Variants in GASK1B observed in about 807,000 individuals in gnomAD.
The protein encoded by GASK1B is Golgi-associated kinase 1B.
Under a neutral mutation model 42.8 loss-of-function variants are expected in GASK1B, and 34 were observed. The ratio of observed to expected loss-of-function variants is 0.79; its 90% CI spans 0.60 to 1.06. The LOEUF (loss-of-function observed/expected upper bound fraction) is 1.06. Among genes scored for constraint, GASK1B ranks in the 50% least tolerant of loss-of-function variants. The pLI, the probability that GASK1B is intolerant of heterozygous loss-of-function variation, is 0.00. For missense variants in GASK1B, 686 were observed against 661.0 expected (o/e 1.04, Z -0.42); for synonymous variants, 262 against 259.1 (o/e 1.01, Z -0.11).
chr4:158,142,993 TAAAC>T (rs1359838975), intron 3 of GASK1B, among the ~76,000 whole-genome samples: 1 of 152,170 alleles, frequency 6.6e-6, no homozygotes, highest in East Asian at 1.9e-4. Flanking sequence ...TTGATTCAAA[TAAAC>T]AAACTGAAAT....
At chr4:158,149,314 C>T (rs1033539082) in intron 3 of GASK1B, among the ~76,000 whole-genome samples, 4 of 152,172 alleles carry the variant, frequency 2.6e-5, no homozygotes, top group East Asian at 1.9e-4. Context: ...AGGATAATCA[C>T]ATTGTACTAC....
In GASK1B at chr4:158,124,562, G is replaced by C. The variant is rs1328673941; in HGVS notation, c.*2845C>G. 1 of 152,076 alleles carries C rather than the reference G, an allele frequency of 6.6e-6. No individual in the cohort carries two copies. The highest frequency in any genetic ancestry group is 1.5e-5 in the Non-Finnish European group (1 of 68,024). 9.4% of individuals were successfully genotyped at this position (152,076 alleles called of 1,614,324 possible). A position where few individuals can be genotyped will look rare whatever the true frequency, so the allele number is the denominator to read the frequency against. On this transcript the variant is annotated 3_prime_UTR_variant, in exon 5 of 5. Coordinates refer to ENST00000585682, the MANE Select transcript of GASK1B (RefSeq NM_001128424.2). ...TTGTTCTGTGCTGACATAAACATAA[G>C]AATTTCATAAGACAGTGTGTAAATA...
intron 4 of GASK1B, among the ~76,000 whole-genome samples, chr4:158,129,171 T>C (rs1730574032): frequency 6.6e-6 from 1 of 152,206 alleles, no homozygotes; most frequent in South Asian, 2.1e-4. Flanking sequence ...CCATTACTCC[T>C]CATAATGCAT....
chr4:158,170,569 C>T lies in GASK1B; in HGVS notation c.807G>A (p.Lys269=), dbSNP rs781226198. 1 of 1,614,186 alleles carries T rather than the reference C, an allele frequency of 6.2e-7. No individual in the cohort carries two copies. The highest frequency in any genetic ancestry group is 1.1e-5 in the South Asian group (1 of 91,090). The change falls in exon 2 of 5, where the codon AAG becomes AAA. Residue 269 remains lysine (K), a synonymous_variant. Coordinates refer to ENST00000585682, the MANE Select transcript of GASK1B (RefSeq NM_001128424.2). ...RCGPSPCGLL[K]QPLDMSEVFA... The stretch of plus-strand genomic sequence containing the variant: ...ACACCTCACTCATGTCCAAGGGCTG[C>T]TTGAGAAGCCCACAGGGGCTAGGGC...
At chr4:158,162,904 G>A (rs928317549) in intron 2 of GASK1B, among the ~76,000 whole-genome samples, 1 of 152,194 alleles carries the variant, frequency 6.6e-6, no homozygotes, top group African/African-American at 2.4e-5. Flanking sequence ...GCACAGCTTT[G>A]AGGAATGAGG....
chr4:158,156,363 G>A (rs758962782), intron 2 of GASK1B, among the ~76,000 whole-genome samples: 7 of 152,190 alleles, frequency 4.6e-5, no homozygotes, highest in Non-Finnish European at 7.4e-5. Flanking sequence ...CAGAAAAAAA[G>A]AGGCAAGAGG....
At chr4:158,162,442 T>C (rs775687000) in intron 2 of GASK1B, among the ~76,000 whole-genome samples, 62 of 152,182 alleles carry the variant, frequency 4.1e-4, no homozygotes, top group South Asian at 1.4e-3. Context: ...CCAATGTTCA[T>C]GGATAGCTCT....
intron 2 of GASK1B, among the ~76,000 whole-genome samples, chr4:158,162,395 G>A (rs996737168): frequency 1.3e-5 from 2 of 152,186 alleles, no homozygotes; most frequent in Non-Finnish European, 2.9e-5. Context: ...AACAAAGCAA[G>A]CACTCAAAAA....
chr4:158,169,247 A>G (rs546177750), intron 2 of GASK1B: 2 of 152,322 alleles, frequency 1.3e-5, no homozygotes, highest in East Asian at 3.9e-4. Flanking sequence ...ATTAGATTAA[A>G]TGTTTGAGAA....
Position 158,170,594 on chromosome 4 carries a change from CCACAGCGGAG to C in GASK1B, c.772_781del (p.Leu258AlafsTer14), listed in dbSNP as rs1732448853. ...CTTGAGAAGCCCACAGGGGCTAGGG[CCACAGCGGAG>C]CACAGCGCCAGGTGCGCCCCCCTCC... On this transcript the variant is annotated frameshift_variant, in exon 2 of 5. Coordinates refer to ENST00000585682, the MANE Select transcript of GASK1B (RefSeq NM_001128424.2). LOFTEE classifies it high-confidence loss of function. 6.2e-7 allele frequency: 1 copy of C among 1,613,998 alleles called. No individual in the cohort carries two copies. The highest frequency in any genetic ancestry group is 2.2e-5 in the East Asian group (1 of 44,880).
chr4:158,131,148 G>A, intron 3 of GASK1B, 136 bp from the exon 4 acceptor site: 2 of 688,318 alleles, frequency 2.9e-6, no homozygotes, highest in South Asian at 3.8e-5. Context: ...TTTAATTAAA[G>A]GCAACTGTCA....
chr4:158,162,141 T>C (rs1260882689), intron 2 of GASK1B, among the ~76,000 whole-genome samples: 1 of 152,230 alleles, frequency 6.6e-6, no homozygotes, highest in African/African-American at 2.4e-5. Flanking sequence ...GAACCAGTTC[T>C]GGCATTACTT....
chr4:158,160,907 G>C (rs1296803473), intron 2 of GASK1B, among the ~76,000 whole-genome samples: 1 of 152,064 alleles, frequency 6.6e-6, no homozygotes, highest in Non-Finnish European at 1.5e-5. Context: ...ATCTAAAAAA[G>C]TTGAGCTCAA....
chr4:158,133,205 T>C (rs1579008890), intron 3 of GASK1B, among the ~76,000 whole-genome samples: 1 of 152,280 alleles, frequency 6.6e-6, no homozygotes, highest in East Asian at 1.9e-4. Context: ...CAATCACCCC[T>C]TTTTTTAAAT....
At position 158,127,588 on chromosome 4, in the gene GASK1B, A is replaced by G. The variant is rs143315826; in HGVS notation, c.1379T>C (p.Leu460Ser). 2.8e-5 allele frequency: 45 copies of G among 1,613,306 alleles called. 1 individual carries two copies. In the Admixed American group the frequency reaches 5.2e-4, roughly 19 times the overall value. The stretch of plus-strand genomic sequence containing the variant: ...TTTCTGCCGTAAGTGCTGGCTCTTC[A>G]AAACAGAAACTGCAGAAGCTGGAAA... Reference protein sequence around the residue: ...KEFPASAVSVLKSQHLRQKLL... With the variant: ...KEFPASAVSVSKSQHLRQKLL... The change falls in exon 5 of 5, where the codon TTG (leucine) becomes TCG (serine). Residue 460 changes from leucine (L) to serine (S), a missense_variant. By Grantham distance (145) the Leu-to-Ser change is moderately radical (BLOSUM62 -2). Coordinates refer to ENST00000585682, the MANE Select transcript of GASK1B (RefSeq NM_001128424.2).
At chr4:158,156,543 T>C (rs910918758) in intron 2 of GASK1B, among the ~76,000 whole-genome samples, 1 of 152,188 alleles carries the variant, frequency 6.6e-6, no homozygotes, top group African/African-American at 2.4e-5. Context: ...TGTCTCACTC[T>C]TGGAAGTTTA....
chr4:158,155,920 A>G (rs1560788617), intron 2 of GASK1B, 95 bp from the exon 3 acceptor site: 13 of 954,042 alleles, frequency 1.4e-5, no homozygotes, highest in Non-Finnish European at 2.1e-5. Context: ...TCTCACGCTC[A>G]CCTATCAAAT....
chr4:158,133,920 C>CGT (rs1730784241), intron 3 of GASK1B, among the ~76,000 whole-genome samples: 1 of 147,978 alleles, frequency 6.8e-6, no homozygotes, highest in African/African-American at 2.5e-5. Context: ...TGTGTGTGCG[C>CGT]GTGCACGAAC....
intron 4 of GASK1B, among the ~76,000 whole-genome samples, 187 bp downstream of exon 4, chr4:158,130,599 C>T (rs1730637014): frequency 6.6e-6 from 1 of 152,164 alleles, no homozygotes; most frequent in Non-Finnish European, 1.5e-5. Flanking sequence ...GATAGAGGCG[C>T]TATGGCTGCA....
Sources: allele counts gnomAD v4.1 joint callset (sites outside exome capture counted in the v4.1 genomes callset), GRCh38; gene constraint gnomAD v4.1.1; transcripts MANE v1.5; gene names NCBI Gene and HGNC (gene_info 2026-07-23, HGNC 2026-07-21).